The following ATXN3 variants were observed in gnomAD, a reference collection of about 807,000 sequenced individuals.
ATXN3 encodes ataxin 3.
Under a neutral mutation model 58.2 loss-of-function variants are expected in ATXN3, and 28 were observed. The observed-to-expected ratio is 0.48, with a 90% confidence interval of 0.36 to 0.66. The LOEUF (loss-of-function observed/expected upper bound fraction) is 0.66. Ranked by LOEUF, ATXN3 falls within the 30% of genes least tolerant of loss-of-function variation. The pLI is 0.00. For synonymous variants in ATXN3, 113 were observed against 138.5 expected (o/e 0.82, Z 1.29); for missense variants, 321 against 422.1 (o/e 0.76, Z 2.10).
chr14:92,070,613 T>C, intron 10 of ATXN3: 1 of 640,914 alleles, frequency 1.6e-6, no homozygotes. Context: ...TCTAAGGAAT[T>C]TTTGGAGACT....
chr14:92,097,642 CAGCCTACCAAGT>C (rs199866952), intron 1 of ATXN3, among the ~76,000 whole-genome samples: 1,852 of 152,020 alleles, frequency 0.012, 33 homozygotes, highest in East Asian at 0.076. Flanking sequence ...TCTCCTGCCT[CAGCCTACCAAGT>C]AGCTGCGACT....
At chr14:92,106,169 C>T (rs535739678) in intron 1 of ATXN3, among the ~76,000 whole-genome samples, 1 of 152,238 alleles carries the variant, frequency 6.6e-6, no homozygotes, top group African/African-American at 2.4e-5. Context: ...CTAGCTAGAC[C>T]CTAGGGAGAG....
At chr14:92,095,318 A>G (rs1161295124) in intron 3 of ATXN3, among the ~76,000 whole-genome samples, 3 of 151,974 alleles carry the variant, frequency 2.0e-5, no homozygotes, top group African/African-American at 7.2e-5. Flanking sequence ...ATCTTGGCTC[A>G]CTGCAACCTA....
At position 92,069,367 on chromosome 14, in the gene ATXN3, A is replaced by T. The variant is rs1386366701; in HGVS notation, c.991+1568T>A. On this transcript the variant is annotated intron_variant, in intron 10 of 10. Transcript: ENST00000644486. ...ATAACAGGCGTAAGCCACCGTGTCCAGCCCTTTTTTTTTTTTTTTTTTTTG... is the reference window on the plus strand; with the variant it reads ...ATAACAGGCGTAAGCCACCGTGTCCTGCCCTTTTTTTTTTTTTTTTTTTTG... Among the ~76,000 whole-genome samples the T allele has an allele frequency of 2.5e-5, 3 of 119,974 alleles. No homozygotes were observed. The East Asian group carries it at 7.1e-4, about 28-fold the overall frequency. 78.7% of individuals were successfully genotyped at this position (119,974 alleles called of 152,430 possible).
At chr14:92,087,178 TG>T (rs777912812) in intron 6 of ATXN3, among the ~76,000 whole-genome samples, 2 of 151,912 alleles carry the variant, frequency 1.3e-5, no homozygotes, top group Non-Finnish European at 2.9e-5. Context: ...TCTTGGAGAG[TG>T]GTACATAATT....
upstream of ATXN3, among the ~76,000 whole-genome samples, chr14:92,052,614 G>A (rs757191010): frequency 1.3e-5 from 2 of 152,050 alleles, no homozygotes; most frequent in African/African-American, 2.4e-5. Context: ...TTTTTACCTG[G>A]ATGCATGACA....
At chr14:92,051,725 T>C (rs1443056941), upstream of ATXN3, among the ~76,000 whole-genome samples, 17 of 111,398 alleles carry the variant, frequency 1.5e-4, no homozygotes, top group South Asian at 3.8e-4. Flanking sequence ...TTTCTTTTTT[T>C]TTTTTTTTTT....
intron 5 of ATXN3, among the ~76,000 whole-genome samples, chr14:92,092,373 G>A (rs1387388809): frequency 1.3e-5 from 2 of 152,146 alleles, no homozygotes. Context: ...TAACAAGGAC[G>A]TTAAATGATT....
At chr14:92,085,604 A>G (rs972969864) in intron 6 of ATXN3, among the ~76,000 whole-genome samples, 1 of 152,222 alleles carries the variant, frequency 6.6e-6, no homozygotes, top group Non-Finnish European at 1.5e-5. Context: ...CTCTGTCGGT[A>G]TAATATATAG....
intron 9 of ATXN3, among the ~76,000 whole-genome samples, chr14:92,073,051 C>T (rs1415017966): frequency 1.3e-5 from 2 of 152,344 alleles, no homozygotes; most frequent in South Asian, 2.1e-4. Context: ...ACAAGAGGGA[C>T]GGACTGAGTT....
chr14:92,082,764 C>T (rs1021801183), intron 7 of ATXN3, among the ~76,000 whole-genome samples: 5 of 151,164 alleles, frequency 3.3e-5, no homozygotes, highest in African/African-American at 1.2e-4. Context: ...ATCCTTCTTC[C>T]TCTGCCTCCC....
At chr14:92,096,409 G>T in intron 2 of ATXN3, 1 of 1,044,078 alleles carries the variant, frequency 9.6e-7, no homozygotes, top group Non-Finnish European at 1.3e-6. Context: ...TGGATCATAA[G>T]GTCAGGAGTT....
chr14:92,098,637 G>A (rs764108106), intron 1 of ATXN3, among the ~76,000 whole-genome samples: 1 of 152,168 alleles, frequency 6.6e-6, no homozygotes, highest in Non-Finnish European at 1.5e-5. Flanking sequence ...CTTGTTGATA[G>A]AACTTCAAAT....
intron 6 of ATXN3, among the ~76,000 whole-genome samples, chr14:92,085,519 G>A (rs979130147): frequency 6.6e-6 from 1 of 152,048 alleles, no homozygotes; most frequent in African/African-American, 2.4e-5. Context: ...TAAGTGTGCT[G>A]GGAAGCCACT....
rs377687859 is a variant in ATXN3, at chr14:92,096,010, G to T, written c.234+83C>A. The T allele has an allele frequency of 1.2e-4, 130 of 1,112,814 alleles. 1 individual carries two copies. The South Asian group carries it at 1.5e-3, about 13-fold the overall frequency. The allele number at this position is 1,112,814 out of a possible 1,614,324, so 68.9% of individuals were successfully genotyped here. On this transcript the variant is annotated intron_variant, in intron 3 of 10. Transcript: ENST00000644486. ...GTAGACAGAAGAACTTCCGAAGGTC[G>T]CCTTGTTACAGTGACTATTGAAAGG...
At position 92,080,978 on chromosome 14, in the gene ATXN3, C is replaced by T; in HGVS notation, c.859G>A (p.Ala287Thr). Reference protein sequence around the residue: ...TSEELRKRREAYFEKQQQKQQ... With the variant: ...TSEELRKRRETYFEKQQQKQQ... ...CAACTACTTTACTTTTCAAAGTAGG[C>T]TTCTCGTCTCTTCCGAAGCTCTTCT... The change falls in exon 9 of 11, where the codon GCC becomes ACC. Residue 287 changes from alanine (A) to threonine (T), a missense_variant. Around this residue, in one of 2 missense-constraint regions of ATXN3, gnomAD observed 200 missense variants for 223.2 expected, o/e 0.90. Transcript: ENST00000644486. 5 of 1,607,504 alleles carry T rather than the reference C, an allele frequency of 3.1e-6. No homozygotes were observed. In the South Asian group the frequency reaches 5.5e-5, roughly 18 times the overall value.
chr14:92,057,892 T>C (rs1348645733), downstream of ATXN3, among the ~76,000 whole-genome samples: 1 of 152,170 alleles, frequency 6.6e-6, no homozygotes, highest in Non-Finnish European at 1.5e-5. Context: ...TTTTTTTTAA[T>C]AGAGATGGGG....
chr14:92,072,960 G>T (rs960348086), intron 9 of ATXN3, among the ~76,000 whole-genome samples: 3 of 152,208 alleles, frequency 2.0e-5, no homozygotes, highest in Admixed American at 6.5e-5. Flanking sequence ...GTGTGTAGGT[G>T]TAAGACCTTA....
downstream of ATXN3, among the ~76,000 whole-genome samples, chr14:92,053,948 TC>T (rs1402639164): frequency 6.6e-6 from 1 of 151,586 alleles, no homozygotes; most frequent in Non-Finnish European, 1.5e-5. Flanking sequence ...GGTTTTTTTT[TC>T]CCCCGAGACG....
Sources: allele counts gnomAD v4.1 joint callset (sites outside exome capture counted in the v4.1 genomes callset), GRCh38; gene constraint gnomAD v4.1.1; regional missense constraint gnomAD v4.1.1; transcripts MANE v1.5; gene names NCBI Gene and HGNC (gene_info 2026-07-23, HGNC 2026-07-21).